Variants in NARS1 observed in about 807,000 individuals in gnomAD.
NARS1 encodes asparaginyl-tRNA synthetase 1, also known as asparagine--tRNA ligase, cytoplasmic.
In NARS1, 65 loss-of-function variants were observed where a neutral mutation model predicts 79.2. The observed-to-expected ratio is 0.82, with a 90% CI of 0.67 to 1.01. The LOEUF (loss-of-function observed/expected upper bound fraction) is 1.01, where lower values mean the gene tolerates loss of function less well. Among genes scored for constraint, NARS1 ranks in the 50% least tolerant of loss-of-function variants. The pLI is 0.00. For missense variants in NARS1, 649 were observed against 673.8 expected, an observed-to-expected ratio of 0.96 and a Z score of 0.41; for synonymous variants, 229 against 238.8, an observed-to-expected ratio of 0.96 and a Z score of 0.38.
intron 2 of NARS1, among the ~76,000 whole-genome samples, chr18:57,619,404 AT>A (rs35415035): frequency 0.13 from 19,095 of 151,146 alleles, 1,351 homozygotes; most frequent in Non-Finnish European, 0.17. Context: ...AAGAAGTTAA[AT>A]TTTTTGTAGA....
intron 11 of NARS1, among the ~76,000 whole-genome samples, chr18:57,604,859 A>C (rs1237148107): frequency 1.3e-5 from 2 of 152,198 alleles, no homozygotes. Context: ...AATGCATTCC[A>C]GCCTGGACGA....
intron 5 of NARS1, among the ~76,000 whole-genome samples, chr18:57,612,857 G>A (rs936464233): frequency 3.3e-5 from 5 of 152,070 alleles, no homozygotes; most frequent in Non-Finnish European, 5.9e-5. Flanking sequence ...AGAACCAAGG[G>A]AGAATGCAAA....
chr18:57,615,612 A>G (rs1907988806), intron 4 of NARS1, 29 bp downstream of exon 4: 3 of 1,488,634 alleles, frequency 2.0e-6, no homozygotes, highest in Non-Finnish European at 1.9e-6. Flanking sequence ...AGCCAAGTCC[A>G]CGGTATTTGA....
intron 11 of NARS1, among the ~76,000 whole-genome samples, chr18:57,603,513 T>A (rs549517867): frequency 9.2e-5 from 14 of 152,334 alleles, no homozygotes; most frequent in African/African-American, 3.4e-4. Flanking sequence ...CTGGTAAGTG[T>A]AAGCACACCT....
In NARS1 at chr18:57,607,699, G is replaced by C. The variant is rs766336557; in HGVS notation, c.580-34C>G. On this transcript the variant is annotated intron_variant, in intron 7 of 13. Coordinates refer to ENST00000256854, the MANE Select transcript of NARS1 (RefSeq NM_004539.4). ...TTTAAAAGTGGGGTCCAGAGAAAGA[G>C]GGAAAAGGAAATAAAAAATTAACAG... 14 of 1,524,334 alleles carry C rather than the reference G, an allele frequency of 9.2e-6. No homozygotes were observed. The African/African-American group carries it at 1.7e-4, about 18-fold the overall frequency. 94.4% of individuals were successfully genotyped at this position (1,524,334 alleles called of 1,614,324 possible). A position where few individuals can be genotyped will look rare whatever the true frequency, so the allele number is the denominator to read the frequency against.
chr18:57,609,532 A>G, intron 6 of NARS1, 89 bp from the exon 7 acceptor site: 1 of 994,936 alleles, frequency 1.0e-6, no homozygotes. Context: ...TTTACAAACA[A>G]GTTATCTGAT....
intron 1 of NARS1, 116 bp from the exon 2 acceptor site, chr18:57,620,767 G>A: frequency 1.8e-6 from 1 of 552,032 alleles, no homozygotes; most frequent in Admixed American, 3.5e-5. Context: ...AAAAATTGAG[G>A]TCCATAAGTA....
At chr18:57,607,993 G>A (rs1020663064) in intron 7 of NARS1, among the ~76,000 whole-genome samples, 4 of 150,874 alleles carry the variant, frequency 2.7e-5, no homozygotes, top group Non-Finnish European at 4.4e-5. Flanking sequence ...TCAGCCTCCC[G>A]AGCAGCTGGG....
intron 11 of NARS1, among the ~76,000 whole-genome samples, chr18:57,605,533 G>A (rs1187815924): frequency 1.3e-5 from 2 of 150,790 alleles, no homozygotes; most frequent in Non-Finnish European, 2.9e-5. Flanking sequence ...CTTGAATCCA[G>A]GAGGCGGAGG....
intron 2 of NARS1, among the ~76,000 whole-genome samples, chr18:57,619,035 G>C (rs1009528032): frequency 5.3e-5 from 8 of 152,174 alleles, no homozygotes; most frequent in African/African-American, 1.9e-4. Context: ...TATAAATGTT[G>C]TAACACAGTT....
chr18:57,601,638 TC>T lies in NARS1; in HGVS notation c.*13del. On this transcript the variant is annotated 3_prime_UTR_variant, in exon 14 of 14. Transcript: ENST00000256854. ...CCTTTCATAATCTTTCCTCCACGCT[TC>T]TGGAGAAAATGGTTATGGCGTGCAA... is the stretch of plus-strand genomic sequence containing the variant. 6.2e-7 allele frequency: 1 copy of T among 1,612,514 alleles called. No individual in the cohort carries two copies. The highest frequency in any genetic ancestry group is 8.5e-7 in the Non-Finnish European group (1 of 1,178,724).
At chr18:57,618,142 G>C (rs1908136719) in intron 2 of NARS1, among the ~76,000 whole-genome samples, 1 of 150,876 alleles carries the variant, frequency 6.6e-6, no homozygotes, top group South Asian at 2.1e-4. Context: ...AAAGAAATTA[G>C]CCAGGCATGG....
chr18:57,620,535 G>T, intron 2 of NARS1, 34 bp downstream of exon 2: 2 of 1,356,258 alleles, frequency 1.5e-6, no homozygotes, highest in Non-Finnish European at 2.1e-6. Context: ...ATTAATAAAT[G>T]CAGTCTCATT....
intron 11 of NARS1, 146 bp downstream of exon 11, chr18:57,605,711 T>A: frequency 1.7e-6 from 1 of 595,614 alleles, no homozygotes; most frequent in Non-Finnish European, 3.0e-6. Flanking sequence ...ACTCAGCGAA[T>A]CTGCAGGCAA....
Position 57,607,287 on chromosome 18 carries a change from G to GT in NARS1, c.847dup (p.Thr283AsnfsTer6). On this transcript the variant is annotated frameshift_variant, in exon 9 of 14. Transcript: ENST00000256854. LOFTEE classifies it high-confidence loss of function. ...CCCAAAATAGTCAAGCTTGAAGAGTGTGGCACCACCTTCTACTTGTGTTTG... is the reference window on the plus strand; with the variant it reads ...CCCAAAATAGTCAAGCTTGAAGAGTGTTGGCACCACCTTCTACTTGTGTTTG... 1 of 1,614,186 alleles carries GT rather than the reference G, an allele frequency of 6.2e-7. No individual in the cohort carries two copies. The highest frequency in any genetic ancestry group is 8.5e-7 in the Non-Finnish European group (1 of 1,180,028).
At position 57,600,812 on chromosome 18, in the gene NARS1, T is replaced by C. The variant is rs1453579471; in HGVS notation, c.*840A>G. 1 of 152,214 alleles carries C rather than the reference T, an allele frequency of 6.6e-6. No individual in the cohort carries two copies. The highest frequency in any genetic ancestry group is 1.5e-5 in the Non-Finnish European group (1 of 68,028). The allele number at this position is 152,214 out of a possible 1,614,324, so 9.4% of individuals were successfully genotyped here. A position where few individuals can be genotyped will look rare whatever the true frequency, so the allele number is the denominator to read the frequency against. On this transcript the variant is annotated 3_prime_UTR_variant, in exon 14 of 14. Transcript: ENST00000256854. ...GTAGCACAGATTAGATCTAAGGACA[T>C]GGTGGGGGCAACTCAAACAGCCACT...
chr18:57,602,212 A>G, intron 13 of NARS1, 143 bp downstream of exon 13: 1 of 740,134 alleles, frequency 1.4e-6, no homozygotes, highest in South Asian at 2.2e-5. Context: ...CAATATTCAC[A>G]CACCACATTA....
intron 7 of NARS1, among the ~76,000 whole-genome samples, chr18:57,607,909 C>G (rs1336331309): frequency 6.6e-6 from 1 of 151,044 alleles, no homozygotes; most frequent in Admixed American, 6.6e-5. Context: ...ACTCTGTCGC[C>G]CAGGCTGGAG....
At chr18:57,616,720 C>T (rs1309324995) in intron 2 of NARS1, among the ~76,000 whole-genome samples, 5 of 151,834 alleles carry the variant, frequency 3.3e-5, no homozygotes, top group Admixed American at 1.3e-4. Context: ...ACACAAAAAG[C>T]GGCCGGGTGC....
Sources: allele counts gnomAD v4.1 joint callset (sites outside exome capture counted in the v4.1 genomes callset), GRCh38; gene constraint gnomAD v4.1.1; transcripts MANE v1.5; gene names NCBI Gene and HGNC (gene_info 2026-07-23, HGNC 2026-07-21).